EYS: variants seen among roughly 807,000 people sequenced by gnomAD.
EYS encodes the protein protein eyes shut homolog.
EYS carries 250 observed loss-of-function variants against 282.1 expected under a neutral mutation model. That is an observed-to-expected ratio of 0.89 (90% CI 0.80 to 0.98). EYS has a LOEUF of 0.98. EYS is among the 50% of genes least tolerant of loss of function. EYS has a pLI of 0.00. For synonymous variants in EYS, 1,355 were observed against 1,282.9 expected (o/e 1.06, Z -1.20); for missense variants, 4,016 against 3,709.0 (o/e 1.08, Z -2.15).
At chr6:65,639,090 C>T (rs575016795) in intron 2 of EYS, among the ~76,000 whole-genome samples, 1 of 152,242 alleles carries the variant, frequency 6.6e-6, no homozygotes, top group African/African-American at 2.4e-5. Context: ...AAGCAGATAT[C>T]AAGCTACTTC....
intron 19 of EYS, among the ~76,000 whole-genome samples, chr6:64,850,435 A>G (rs1765845971): frequency 6.6e-6 from 1 of 152,090 alleles, no homozygotes; most frequent in African/African-American, 2.4e-5. Flanking sequence ...ATAATCTCAG[A>G]GGGTCCTCCC....
chr6:63,832,202 G>A (rs895937963), intron 36 of EYS, among the ~76,000 whole-genome samples: 10 of 152,144 alleles, frequency 6.6e-5, no homozygotes, highest in African/African-American at 2.4e-4. Flanking sequence ...CAGAAGGCAA[G>A]AAATAACTAA....
rs1268368992 is a variant in EYS at position 65,599,619 on chromosome 6, T to C, written c.-333+40159A>G. ...GAAAAATATAAATTTTATGTTTCTA[T>C]TAAATTTAGAAGATTCTACCCATTT... On this transcript the variant is annotated intron_variant, in intron 2 of 42. Transcript: ENST00000503581. Among the ~76,000 whole-genome samples, 3 of 152,096 alleles carry C rather than the reference T, an allele frequency of 2.0e-5. No homozygotes were observed. The East Asian group carries it at 5.8e-4, about 29-fold the overall frequency.
At chr6:64,341,015 T>C (rs1328987898) in intron 29 of EYS, among the ~76,000 whole-genome samples, 2 of 151,744 alleles carry the variant, frequency 1.3e-5, no homozygotes, top group African/African-American at 4.8e-5. Flanking sequence ...CACAACGAGA[T>C]ACCAGCTCAC....
At chr6:65,369,100 C>G (rs1039618844) in intron 8 of EYS, among the ~76,000 whole-genome samples, 1 of 150,522 alleles carries the variant, frequency 6.6e-6, no homozygotes, top group Non-Finnish European at 1.5e-5. Context: ...TAACAAAACT[C>G]TTTCAAATTT....
intron 41 of EYS, among the ~76,000 whole-genome samples, chr6:63,731,970 G>T (rs190502693): frequency 6.7e-6 from 1 of 148,670 alleles, no homozygotes; most frequent in African/African-American, 2.6e-5. Flanking sequence ...CATCTGGGAG[G>T]GGGGGTCTCA....
intron 31 of EYS, among the ~76,000 whole-genome samples, chr6:64,113,321 G>C (rs918568852): frequency 6.6e-6 from 1 of 152,038 alleles, no homozygotes; most frequent in Non-Finnish European, 1.5e-5. Context: ...TGATACTGGC[G>C]TTTGAATCTC....
intron 26 of EYS, among the ~76,000 whole-genome samples, chr6:64,508,640 T>C (rs1271707226): frequency 5.3e-5 from 8 of 150,738 alleles, no homozygotes; most frequent in Admixed American, 1.3e-4. Context: ...AGGCTTATAG[T>C]GGTTTTCAAT....
chr6:64,586,762 T>A (rs1766246621), intron 26 of EYS, among the ~76,000 whole-genome samples: 1 of 152,092 alleles, frequency 6.6e-6, no homozygotes, highest in African/African-American at 2.4e-5. Context: ...TGTACATTTT[T>A]AAATTTAGAA....
At chr6:63,929,535 A>G (rs577515952) in intron 35 of EYS, among the ~76,000 whole-genome samples, 2 of 152,314 alleles carry the variant, frequency 1.3e-5, no homozygotes, top group South Asian at 4.1e-4. Flanking sequence ...GTACAAGTAA[A>G]TTTGGAATTA....
At chr6:64,470,156 G>T (rs1025245465) in intron 26 of EYS, among the ~76,000 whole-genome samples, 1 of 152,112 alleles carries the variant, frequency 6.6e-6, no homozygotes, top group Non-Finnish European at 1.5e-5. Context: ...CGTCTTGGTG[G>T]TAGTGGTCCC....
chr6:64,826,139 A>G (rs1765049841), intron 19 of EYS, among the ~76,000 whole-genome samples: 1 of 151,852 alleles, frequency 6.6e-6, no homozygotes, highest in African/African-American at 2.4e-5. Context: ...TTATGTGTCA[A>G]TCAGAGTTCT....
At chr6:64,035,552 T>A (rs775981486) in intron 33 of EYS, among the ~76,000 whole-genome samples, 16 of 152,196 alleles carry the variant, frequency 1.1e-4, no homozygotes, top group Non-Finnish European at 1.9e-4. Context: ...TAGTTTCACC[T>A]GCCTATGAAG....
chr6:63,843,676 C>T (rs937832010), intron 36 of EYS, among the ~76,000 whole-genome samples: 2 of 152,150 alleles, frequency 1.3e-5, no homozygotes, highest in Admixed American at 1.3e-4. Context: ...GAAGCATTCC[C>T]GTTGAAAACC....
At chr6:63,831,973 A>G (rs1207605749) in intron 36 of EYS, among the ~76,000 whole-genome samples, 2 of 152,264 alleles carry the variant, frequency 1.3e-5, no homozygotes, top group Non-Finnish European at 2.9e-5. Flanking sequence ...ACTACTGGGT[A>G]CATAACGAAA....
chr6:63,840,353 C>A (rs1433118441), intron 36 of EYS, among the ~76,000 whole-genome samples: 1 of 151,888 alleles, frequency 6.6e-6, no homozygotes, highest in Admixed American at 6.6e-5. Flanking sequence ...CATGAGCCAC[C>A]ACGCCCAGCC....
intron 24 of EYS, among the ~76,000 whole-genome samples, chr6:64,613,867 C>T (rs1178792286): frequency 1.3e-5 from 2 of 152,078 alleles, no homozygotes; most frequent in Non-Finnish European, 2.9e-5. Flanking sequence ...TGAAGACTCC[C>T]AGAGCATTCT....
intron 12 of EYS, among the ~76,000 whole-genome samples, chr6:65,097,706 G>T (rs1774778989): frequency 6.6e-6 from 1 of 150,514 alleles, no homozygotes; most frequent in Admixed American, 6.6e-5. Context: ...GCAACAACAT[G>T]GATAAACCTG....
intron 22 of EYS, among the ~76,000 whole-genome samples, chr6:64,745,122 C>T (rs1292312364): frequency 6.6e-6 from 1 of 152,104 alleles, no homozygotes; most frequent in South Asian, 2.1e-4. Context: ...AAAAAGAAAA[C>T]TGTTTCATTT....
Sources: gnomAD v4.1 joint callset for allele counts (sites outside exome capture counted in the v4.1 genomes callset) on GRCh38, gnomAD v4.1.1 for gene constraint, MANE v1.5 for transcripts, NCBI Gene and HGNC (gene_info 2026-07-23, HGNC 2026-07-21) for gene names.